The following ARHGAP24 variants were observed in gnomAD, a reference collection of about 807,000 sequenced individuals.
The protein encoded by ARHGAP24 is Rho GTPase activating protein 24.
Under a neutral mutation model 76.4 loss-of-function variants are expected in ARHGAP24, and 50 were observed. That is an observed-to-expected ratio of 0.65 (90% CI 0.52 to 0.83). ARHGAP24 has a LOEUF of 0.83. Ranked by LOEUF, ARHGAP24 falls within the 40% of genes least tolerant of loss-of-function variation. The probability of loss-of-function intolerance (pLI) is 0.00; values close to 1 mark genes in which losing one functional copy is unlikely to be tolerated. For missense variants in ARHGAP24, 930 were observed against 914.2 expected, an observed-to-expected ratio of 1.02 and a Z score of -0.22; for synonymous variants, 345 against 323.3, an observed-to-expected ratio of 1.07 and a Z score of -0.72.
chr4:85,499,885 G>A (rs1423654015), intron 1 of ARHGAP24, among the ~76,000 whole-genome samples: 5 of 151,882 alleles, frequency 3.3e-5, no homozygotes, highest in Admixed American at 6.6e-5. Flanking sequence ...TTTAATAATC[G>A]GTACTATTTT....
rs138488449 is a variant in ARHGAP24 at position 85,541,985 on chromosome 4, A to G, written c.-20-28537A>G. Reference sequence around the variant, plus strand: ...TATTCCTATGCATAAGTATTTTAAAATAGTGCTTCTCCTTCAAAAAGCTTA... The same window carrying G: ...TATTCCTATGCATAAGTATTTTAAAGTAGTGCTTCTCCTTCAAAAAGCTTA... On this transcript the variant is annotated intron_variant, in intron 1 of 9. Coordinates refer to ENST00000395184, the MANE Select transcript of ARHGAP24 (RefSeq NM_001025616.3). Among the ~76,000 whole-genome samples, 371 of 152,326 alleles carry G rather than the reference A, an allele frequency of 2.4e-3. 2 individuals are homozygous for G. The highest frequency in any genetic ancestry group is 8.7e-3 in the African/African-American group (361 of 41,580).
At chr4:85,608,160 A>G (rs1239171304) in intron 2 of ARHGAP24, among the ~76,000 whole-genome samples, 1 of 152,232 alleles carries the variant, frequency 6.6e-6, no homozygotes, top group African/African-American at 2.4e-5. Flanking sequence ...ATGCTCAAAA[A>G]TATGAATTGA....
At chr4:85,592,958 C>G (rs1340221858) in intron 2 of ARHGAP24, among the ~76,000 whole-genome samples, 1 of 151,916 alleles carries the variant, frequency 6.6e-6, no homozygotes, top group African/African-American at 2.4e-5. Flanking sequence ...GTGCAGATAT[C>G]TCTTTGTATA....
chr4:85,977,689 A>G lies in ARHGAP24; in HGVS notation c.926A>G (p.Glu309Gly), dbSNP rs1332817693. ...GTGGAAGATCCTTTGACTATCATGG[A>G]GGGTAAGTAAATGATTATCTTATAC... ...PKVEDPLTIM[E>G]GTVVVQQLMS... The change falls in exon 8 of 10, where the codon GAG (glutamate) becomes GGG (glycine). Residue 309 changes from glutamate to glycine, a missense_variant and splice_region_variant. Physicochemically the swap from Glu to Gly is moderately conservative, Grantham distance 98. Transcript: ENST00000395184. The G allele has an allele frequency of 6.2e-7, 1 of 1,613,674 alleles. No homozygotes were observed. The highest frequency in any genetic ancestry group is 8.5e-7 in the Non-Finnish European group (1 of 1,179,646).
chr4:85,978,284 A>G (rs1739452441), intron 8 of ARHGAP24, among the ~76,000 whole-genome samples: 1 of 152,224 alleles, frequency 6.6e-6, no homozygotes, highest in Admixed American at 6.5e-5. Context: ...ATGATTTCAG[A>G]ATTTAAAAGA....
At chr4:85,694,800 A>G (rs1723811281) in intron 2 of ARHGAP24, among the ~76,000 whole-genome samples, 1 of 152,168 alleles carries the variant, frequency 6.6e-6, no homozygotes, top group Non-Finnish European at 1.5e-5. Flanking sequence ...GAAAATATTA[A>G]AGAGTTTCCT....
chr4:85,479,127 T>TA (rs1490439040), intron 1 of ARHGAP24, among the ~76,000 whole-genome samples: 2 of 152,290 alleles, frequency 1.3e-5, no homozygotes, highest in African/African-American at 4.8e-5. Flanking sequence ...GAAGTCCATT[T>TA]AAAAAATGTC....
intron 3 of ARHGAP24, among the ~76,000 whole-genome samples, chr4:85,864,729 C>T (rs1005566345): frequency 1.3e-5 from 2 of 151,786 alleles, no homozygotes; most frequent in Non-Finnish European, 2.9e-5. Context: ...CCATGAGCTA[C>T]GCCCATCTGC....
chr4:85,528,140 G>A (rs1308606130), intron 1 of ARHGAP24, among the ~76,000 whole-genome samples: 1 of 151,970 alleles, frequency 6.6e-6, no homozygotes, highest in East Asian at 1.9e-4. Context: ...AAATAGAAAG[G>A]GAAGAGAATC....
chr4:85,624,958 T>C (rs1361453262), intron 2 of ARHGAP24, among the ~76,000 whole-genome samples: 1 of 152,194 alleles, frequency 6.6e-6, no homozygotes, highest in African/African-American at 2.4e-5. Flanking sequence ...TTGATTCTTC[T>C]CTCTTTTCTT....
chr4:85,937,416 A>G lies in ARHGAP24; in HGVS notation c.392-4650A>G, dbSNP rs141711196. Among the ~76,000 whole-genome samples, 166 of 152,306 alleles carry G rather than the reference A, an allele frequency of 1.1e-3. 5 individuals are homozygous for G. The East Asian group carries it at 0.029, about 27-fold the overall frequency. On this transcript the variant is annotated intron_variant, in intron 4 of 9. Coordinates refer to ENST00000395184, the MANE Select transcript of ARHGAP24 (RefSeq NM_001025616.3). Reference sequence around the variant, plus strand: ...TGAAAATATTGAGCTATCCATATTGAAGGTTCTACTGGGCACCTAGAAATC... The same window carrying G: ...TGAAAATATTGAGCTATCCATATTGGAGGTTCTACTGGGCACCTAGAAATC...
At chr4:85,748,966 G>T (rs1726151706) in intron 3 of ARHGAP24, among the ~76,000 whole-genome samples, 1 of 152,094 alleles carries the variant, frequency 6.6e-6, no homozygotes, top group South Asian at 2.1e-4. Context: ...CCCTCAACGT[G>T]GCAGAATACG....
chr4:85,555,997 T>C (rs926645695), intron 1 of ARHGAP24, among the ~76,000 whole-genome samples: 1 of 152,058 alleles, frequency 6.6e-6, no homozygotes, highest in African/African-American at 2.4e-5. Context: ...ACCACTGCAA[T>C]GGCAGTGGCA....
intron 2 of ARHGAP24, among the ~76,000 whole-genome samples, chr4:85,639,003 G>T (rs775989390): frequency 6.6e-6 from 1 of 152,102 alleles, no homozygotes; most frequent in African/African-American, 2.4e-5. Flanking sequence ...TGGAGCTGAC[G>T]AATGGAGGTA....
chr4:85,932,473 C>T (rs1479814313), intron 4 of ARHGAP24, among the ~76,000 whole-genome samples: 5 of 144,822 alleles, frequency 3.5e-5, no homozygotes, highest in African/African-American at 5.1e-5. Flanking sequence ...GTCACCTTCC[C>T]GTCTCCCATA....
chr4:85,556,604 A>G (rs916762437), intron 1 of ARHGAP24, among the ~76,000 whole-genome samples: 1 of 152,192 alleles, frequency 6.6e-6, no homozygotes, highest in African/African-American at 2.4e-5. Flanking sequence ...GCCACCACTG[A>G]CTAAAGTGTT....
At chr4:85,692,068 T>C (rs1723683546) in intron 2 of ARHGAP24, among the ~76,000 whole-genome samples, 1 of 152,224 alleles carries the variant, frequency 6.6e-6, no homozygotes. Context: ...AAAGGATTTA[T>C]TTCTGCTTCC....
chr4:85,978,984 C>T (rs1230648075), intron 8 of ARHGAP24, among the ~76,000 whole-genome samples: 1 of 152,108 alleles, frequency 6.6e-6, no homozygotes, highest in Admixed American at 6.5e-5. Flanking sequence ...ATATACAGCA[C>T]CCCCTATAAT....
chr4:85,572,873 TC>T, intron 2 of ARHGAP24, among the ~76,000 whole-genome samples: 2 of 149,352 alleles, frequency 1.3e-5, no homozygotes, highest in Non-Finnish European at 3.0e-5. Flanking sequence ...CTTTTTTCTT[TC>T]TTTTTTTTTT....
Sources: allele counts gnomAD v4.1 joint callset (sites outside exome capture counted in the v4.1 genomes callset), GRCh38; gene constraint gnomAD v4.1.1; transcripts MANE v1.5; gene names NCBI Gene and HGNC (gene_info 2026-07-23, HGNC 2026-07-21).